The following DMD variants were observed in gnomAD, a reference collection of about 807,000 sequenced individuals.
The protein encoded by DMD is mutant dystrophin.
A neutral mutation model predicts 330.1 loss-of-function variants in DMD; 63 were observed. The ratio of observed to expected loss-of-function variants is 0.19; its 90% CI spans 0.16 to 0.24. The LOEUF is 0.24. Among genes scored for constraint, DMD ranks in the 10% least tolerant of loss-of-function variants. The pLI is 1.00. For missense variants in DMD, 3,344 were observed against 2,684.1 expected (o/e 1.25, Z -5.43); for synonymous variants, 1,223 against 959.8 (o/e 1.27, Z -5.07).
At chrX:31,418,836 G>C (rs1185722898) in intron 60 of DMD, among the ~76,000 whole-genome samples, 1 of 112,626 alleles carries the variant, frequency 8.9e-6, no homozygotes, top group Non-Finnish European at 1.9e-5. Flanking sequence ...TCTTAGATTG[G>C]TAACTCTCCT....
chrX:32,317,638 G>A (rs945847110), intron 41 of DMD, among the ~76,000 whole-genome samples: 1 of 111,218 alleles, frequency 9.0e-6, no homozygotes, highest in Non-Finnish European at 1.9e-5. Context: ...AATGCATTGA[G>A]GTTACTGGCC....
intron 2 of DMD, among the ~76,000 whole-genome samples, chrX:32,873,479 C>T (rs2083155149): frequency 9.0e-6 from 1 of 111,037 alleles, no homozygotes; most frequent in African/African-American, 3.3e-5. Context: ...GTACAGAGGA[C>T]TACAATTTTG....
At chrX:33,058,273 T>C (rs1449251278) in intron 1 of DMD, among the ~76,000 whole-genome samples, 1 of 110,928 alleles carries the variant, frequency 9.0e-6, no homozygotes, top group Non-Finnish European at 1.9e-5. Context: ...TTGTGCATGC[T>C]ATTTTGGTGG....
At chrX:31,494,717 T>C (rs1474783923) in intron 57 of DMD, among the ~76,000 whole-genome samples, 1 of 112,210 alleles carries the variant, frequency 8.9e-6, no homozygotes, top group Non-Finnish European at 1.9e-5. Flanking sequence ...GCAGTATTTA[T>C]AACAAAATAC....
intron 7 of DMD, among the ~76,000 whole-genome samples, chrX:32,774,182 T>C (rs1007766568): frequency 3.6e-5 from 4 of 112,169 alleles, no homozygotes; most frequent in African/African-American, 1.3e-4. Flanking sequence ...AAGAGAGTTA[T>C]TCAATTTTAC....
intron 60 of DMD, among the ~76,000 whole-genome samples, chrX:31,358,955 A>T (rs764093547): frequency 9.8e-5 from 11 of 112,053 alleles, no homozygotes; most frequent in Non-Finnish European, 2.1e-4. Context: ...ATTAGTAAAT[A>T]ACCCTAGGAA....
At chrX:33,119,136 T>C (rs368100524) in intron 1 of DMD, among the ~76,000 whole-genome samples, 12 of 112,738 alleles carry the variant, frequency 1.1e-4, no homozygotes, top group Admixed American at 2.8e-4. Flanking sequence ...TTGAACTTTA[T>C]TGAACATCTT....
chrX:33,300,109 C>G (rs189233940), intron 1 of DMD, among the ~76,000 whole-genome samples: 196 of 112,445 alleles, frequency 1.7e-3, no homozygotes, highest in African/African-American at 6.2e-3. Context: ...CCAGTGGAAA[C>G]AGCCACTTCA....
intron 55 of DMD, among the ~76,000 whole-genome samples, chrX:31,577,336 G>A (rs188461941): frequency 8.0e-5 from 9 of 112,075 alleles, no homozygotes; most frequent in African/African-American, 2.9e-4. Flanking sequence ...CCCTCTTTTG[G>A]TGAGTGCCAG....
At chrX:31,928,944 T>C (rs1223721301) in intron 47 of DMD, among the ~76,000 whole-genome samples, 1 of 111,943 alleles carries the variant, frequency 8.9e-6, no homozygotes, top group Admixed American at 9.5e-5. Context: ...ATGACAAAGA[T>C]GCCATGAAAA....
Position 32,167,935 on chromosome X carries a change from T to C in DMD, c.6438+48981A>G, listed in dbSNP as rs940608759. ...GCATTTTTTGGTTGGAATTTTAGGGTCAATATTTAGTTTTAAAATGTGTTA... is the reference window on the plus strand; with the variant it reads ...GCATTTTTTGGTTGGAATTTTAGGGCCAATATTTAGTTTTAAAATGTGTTA... On this transcript the variant is annotated intron_variant, in intron 44 of 78. Transcript: ENST00000357033. 2.7e-5 allele frequency among the ~76,000 whole-genome samples: 3 copies of C among 112,303 alleles called. No homozygotes were observed. The Admixed American group carries it at 2.8e-4, about 11-fold the overall frequency.
chrX:32,847,505 T>C (rs2080788449), intron 3 of DMD, among the ~76,000 whole-genome samples: 1 of 112,459 alleles, frequency 8.9e-6, no homozygotes, highest in South Asian at 3.7e-4. Flanking sequence ...GAGTAGAAGA[T>C]ATATCTCTAC....
intron 51 of DMD, among the ~76,000 whole-genome samples, chrX:31,753,313 T>A (rs1266883413): frequency 1.8e-5 from 2 of 112,201 alleles, no homozygotes; most frequent in African/African-American, 6.5e-5. Flanking sequence ...GTAGATGGAT[T>A]TCTAAGAAAT....
rs201272151 is a variant in DMD at position 32,724,957 on chromosome X, A to C, written c.650-25664T>G. Among the ~76,000 whole-genome samples, 10 of 111,763 alleles carry C rather than the reference A, an allele frequency of 8.9e-5. No individual in the cohort carries two copies. In the East Asian group the frequency reaches 2.8e-3, roughly 31 times the overall value. On this transcript the variant is annotated intron_variant, in intron 7 of 78. Coordinates refer to ENST00000357033, the MANE Select transcript of DMD (RefSeq NM_004006.3). ...TCTTGGCATCAGAAAGCTCTAGTAA[A>C]CATCAAATAAACTTTAACAGCTTAG...
intron 44 of DMD, among the ~76,000 whole-genome samples, chrX:32,160,983 T>C (rs1047759057): frequency 1.8e-5 from 2 of 111,760 alleles, no homozygotes; most frequent in African/African-American, 3.3e-5. Flanking sequence ...TCTGTCTTTT[T>C]AATAATAGTC....
intron 1 of DMD, among the ~76,000 whole-genome samples, chrX:33,141,523 G>A (rs1359436721): frequency 9.0e-6 from 1 of 111,400 alleles, no homozygotes; most frequent in Non-Finnish European, 1.9e-5. Context: ...TATAAATATA[G>A]AGTAGAAATG....
chrX:32,352,627 G>T (rs771730573), intron 37 of DMD, among the ~76,000 whole-genome samples: 1 of 110,759 alleles, frequency 9.0e-6, no homozygotes, highest in South Asian at 3.7e-4. Context: ...TCATAACATT[G>T]TAAAGAACTA....
At chrX:33,232,048 A>C (rs1211254693) in intron 1 of DMD, among the ~76,000 whole-genome samples, 2 of 111,857 alleles carry the variant, frequency 1.8e-5, no homozygotes, top group East Asian at 5.6e-4. Context: ...AAATATTTAA[A>C]ATTTAGAGAG....
intron 1 of DMD, among the ~76,000 whole-genome samples, chrX:33,163,564 A>G (rs1569557012): frequency 1.2e-4 from 13 of 105,116 alleles, no homozygotes; most frequent in African/African-American, 4.5e-4. Context: ...ATATATATAT[A>G]TATATATATA....
Sources: allele counts gnomAD v4.1 joint callset (sites outside exome capture counted in the v4.1 genomes callset), GRCh38; gene constraint gnomAD v4.1.1; transcripts MANE v1.5; gene names NCBI Gene and HGNC (gene_info 2026-07-23, HGNC 2026-07-21).